MPPED1: variants seen among roughly 807,000 people sequenced by gnomAD.
MPPED1 encodes metallophosphoesterase domain-containing protein 1.
In MPPED1, 16 loss-of-function variants were observed where a neutral mutation model predicts 36.2. That is an observed-to-expected ratio of 0.44 (90% CI 0.30 to 0.67). The LOEUF (loss-of-function observed/expected upper bound fraction) is 0.67. MPPED1 is among the 30% of genes least tolerant of loss of function. MPPED1 has a pLI of 0.10. For synonymous variants in MPPED1, 199 were observed against 191.3 expected (o/e 1.04, Z -0.33); for missense variants, 307 against 453.4 (o/e 0.68, Z 2.93).
Position 43,474,990 on chromosome 22 carries a change from T to G in MPPED1, c.632+29T>G, listed in dbSNP as rs1931498374. ...AGTGGGCCTGGGTGCTGGTCCTGCCTGCTGGTGAGACCAGAGCTGAGGCTG... is the reference window on the plus strand; with the variant it reads ...AGTGGGCCTGGGTGCTGGTCCTGCCGGCTGGTGAGACCAGAGCTGAGGCTG... On this transcript the variant is annotated intron_variant, in intron 4 of 6. Transcript: ENST00000443721. The surrounding 1 kb of genome is among the most constrained non-coding windows in gnomAD (Gnocchi z 5.2). The G allele has an allele frequency of 1.3e-6, 2 of 1,599,790 alleles. No individual in the cohort carries two copies. The highest frequency in any genetic ancestry group is 1.7e-6 in the Non-Finnish European group (2 of 1,167,772).
At chr22:43,473,574 A>T (rs534648665) in intron 3 of MPPED1, among the ~76,000 whole-genome samples, 2 of 152,036 alleles carry the variant, frequency 1.3e-5, no homozygotes, top group South Asian at 2.1e-4. Context: ...TCAACATTTC[A>T]TTTTTTATCC....
intron 2 of MPPED1, among the ~76,000 whole-genome samples, chr22:43,431,231 C>T (rs964246262): frequency 1.3e-4 from 20 of 151,684 alleles, no homozygotes; most frequent in African/African-American, 4.8e-4. Context: ...TTAGTAGAGA[C>T]GACGTTTCAC....
At chr22:43,436,438 C>T (rs922917183) in intron 3 of MPPED1, among the ~76,000 whole-genome samples, 20 of 152,232 alleles carry the variant, frequency 1.3e-4, no homozygotes, top group African/African-American at 4.1e-4. Context: ...CTCTGCCAGG[C>T]GAGACAAATA....
intron 2 of MPPED1, among the ~76,000 whole-genome samples, chr22:43,434,235 AG>A (rs1323288505): frequency 6.6e-6 from 1 of 152,246 alleles, no homozygotes; most frequent in African/African-American, 2.4e-5. Flanking sequence ...GGCTGTGGAA[AG>A]CCTGGTCTTC....
At chr22:43,492,783 C>T (rs907729536) in intron 4 of MPPED1, among the ~76,000 whole-genome samples, 2 of 152,100 alleles carry the variant, frequency 1.3e-5, no homozygotes, top group Non-Finnish European at 2.9e-5. Flanking sequence ...CCTCAAGGCC[C>T]AGAGCTTGGC....
intron 5 of MPPED1, 90 bp downstream of exon 5, chr22:43,498,440 G>A: frequency 1.0e-6 from 1 of 989,444 alleles, no homozygotes; most frequent in African/African-American, 1.6e-5. Flanking sequence ...CTGTATAGGG[G>A]AGCCCTGGAG....
intron 6 of MPPED1, among the ~76,000 whole-genome samples, chr22:43,505,221 C>A (rs73428378): frequency 1.3e-5 from 2 of 151,942 alleles, no homozygotes; most frequent in African/African-American, 4.8e-5. Context: ...AAGATGATGT[C>A]GATGATGATG....
chr22:43,496,052 G>T, intron 4 of MPPED1, among the ~76,000 whole-genome samples: 1 of 97,856 alleles, frequency 1.0e-5, no homozygotes, highest in Admixed American at 9.9e-5. Context: ...GGTGGAGGTG[G>T]TGATGGTGGA....
chr22:43,437,656 C>A (rs1231121745), intron 3 of MPPED1, among the ~76,000 whole-genome samples: 1 of 152,194 alleles, frequency 6.6e-6, no homozygotes, highest in Non-Finnish European at 1.5e-5. Context: ...AGCCACGTGG[C>A]CCCTCTGGGC....
In MPPED1 at chr22:43,435,200, T is replaced by A; in HGVS notation, c.391T>A (p.Phe131Ile). The A allele has an allele frequency of 6.2e-7, 1 of 1,609,272 alleles. No individual in the cohort carries two copies. The highest frequency in any genetic ancestry group is 8.5e-7 in the Non-Finnish European group (1 of 1,179,754). ...ELGLPSEVKKFNEWLGSLPYE... is the reference protein window; with the variant it reads ...ELGLPSEVKKINEWLGSLPYE... ...GGGGCTCCCGAGCGAGGTGAAGAAGTTCAACGAGTGGCTGGGTAGGTCCCT... is the reference window on the plus strand; with the variant it reads ...GGGGCTCCCGAGCGAGGTGAAGAAGATCAACGAGTGGCTGGGTAGGTCCCT... The change falls in exon 3 of 7, where the codon TTC (phenylalanine) becomes ATC (isoleucine). Residue 131 changes from phenylalanine to isoleucine, a missense_variant. Around this residue, in one of 3 missense-constraint regions of MPPED1, gnomAD observed 169 missense variants for 212.3 expected, o/e 0.80. Transcript: ENST00000443721.
At chr22:43,479,925 C>T (rs1931696736) in intron 4 of MPPED1, among the ~76,000 whole-genome samples, 1 of 152,176 alleles carries the variant, frequency 6.6e-6, no homozygotes, top group Non-Finnish European at 1.5e-5. Context: ...TACAGTGGTA[C>T]AGTCACAGCT....
chr22:43,428,598 G>T (rs1929566046), intron 2 of MPPED1, among the ~76,000 whole-genome samples: 1 of 152,278 alleles, frequency 6.6e-6, no homozygotes, highest in South Asian at 2.1e-4. Context: ...TTTGTCTCCG[G>T]GGTGAGGGAG....
chr22:43,468,389 G>A (rs1032943940), intron 3 of MPPED1, among the ~76,000 whole-genome samples: 3 of 152,222 alleles, frequency 2.0e-5, no homozygotes, highest in Non-Finnish European at 4.4e-5. Flanking sequence ...CAACTGGCCT[G>A]TCTCCAGTTT....
chr22:43,502,570 C>A lies in MPPED1; in HGVS notation c.749-74C>A. On this transcript the variant is annotated intron_variant, in intron 5 of 6. Coordinates refer to ENST00000443721, the MANE Select transcript of MPPED1 (RefSeq NM_001044370.2). The surrounding 1 kb of genome is among the most constrained non-coding windows in gnomAD (Gnocchi z 5.5). ...CCATGCCTTCTCCAGGCTGCAGAAG[C>A]TGCTGCTAGGCGTGGGGCAGTGAGG... is the stretch of plus-strand genomic sequence containing the variant. 1 of 1,198,012 alleles carries A rather than the reference C, an allele frequency of 8.3e-7. No individual in the cohort carries two copies. The highest frequency in any genetic ancestry group is 1.2e-6 in the Non-Finnish European group (1 of 811,642). 74.2% of individuals were successfully genotyped at this position (1,198,012 alleles called of 1,614,324 possible).
intron 1 of MPPED1, chr22:43,418,285 G>T: frequency 2.6e-6 from 1 of 381,154 alleles, no homozygotes; most frequent in Non-Finnish European, 5.3e-6. Flanking sequence ...GAGTTTGAGA[G>T]GCCTGTGTTG....
chr22:43,426,068 A>G (rs541866351), intron 2 of MPPED1, among the ~76,000 whole-genome samples: 1 of 151,738 alleles, frequency 6.6e-6, no homozygotes, highest in African/African-American at 2.4e-5. Flanking sequence ...CTTTATCCCC[A>G]TTGCTTCTCC....
chr22:43,499,112 G>T (rs1364353366), intron 5 of MPPED1, among the ~76,000 whole-genome samples: 1 of 151,672 alleles, frequency 6.6e-6, no homozygotes, highest in Non-Finnish European at 1.5e-5. Flanking sequence ...GGTGGTGATG[G>T]TGGTGGAGGT....
At chr22:43,504,902 T>A (rs111213345) in intron 6 of MPPED1, among the ~76,000 whole-genome samples, 156 of 149,548 alleles carry the variant, frequency 1.0e-3, no homozygotes, top group African/African-American at 3.9e-3. Flanking sequence ...GGCGGTGATG[T>A]TGTTCATGGT....
intron 3 of MPPED1, among the ~76,000 whole-genome samples, chr22:43,443,078 G>A (rs995384150): frequency 6.6e-6 from 1 of 152,184 alleles, no homozygotes; most frequent in Non-Finnish European, 1.5e-5. Flanking sequence ...AGCAAGCAGA[G>A]TGAAGAGAAT....
Sources: allele counts gnomAD v4.1 joint callset (sites outside exome capture counted in the v4.1 genomes callset), GRCh38; gene constraint gnomAD v4.1.1; regional missense constraint gnomAD v4.1.1; non-coding constraint Gnocchi (gnomAD v3.1); transcripts MANE v1.5; gene names NCBI Gene and HGNC (gene_info 2026-07-23, HGNC 2026-07-21).